Variants in SATB2 observed in about 807,000 individuals in gnomAD.
The protein encoded by SATB2 is DNA-binding protein SATB2.
Under a neutral mutation model 73.4 loss-of-function variants are expected in SATB2, and 1 was observed. That is an observed-to-expected ratio of 0.01 (90% CI 0.00 to 0.06). SATB2 has a LOEUF of 0.06. SATB2 is among the 10% of genes least tolerant of loss of function. The pLI, the probability that SATB2 is intolerant of heterozygous loss-of-function variation, is 1.00. For missense variants in SATB2, 459 were observed against 945.8 expected, an observed-to-expected ratio of 0.49 and a Z score of 6.75; for synonymous variants, 397 against 367.0, an observed-to-expected ratio of 1.08 and a Z score of -0.93.
At chr2:199,375,767 T>C (rs1044325943) in intron 5 of SATB2, among the ~76,000 whole-genome samples, 6 of 152,204 alleles carry the variant, frequency 3.9e-5, no homozygotes, top group East Asian at 3.9e-4. Flanking sequence ...AGGTGAGTAG[T>C]ACTGGATGCC....
At chr2:199,391,685 A>C (rs1474709765) in intron 3 of SATB2, among the ~76,000 whole-genome samples, 1 of 152,170 alleles carries the variant, frequency 6.6e-6, no homozygotes, top group Non-Finnish European at 1.5e-5. Context: ...AAAAGAAGCC[A>C]AGAGTCCAAT....
chr2:199,347,060 TG>T (rs1574530175), intron 7 of SATB2: 1 of 151,850 alleles, frequency 6.6e-6, no homozygotes, highest in East Asian at 1.9e-4. Flanking sequence ...TTAGTAGAGA[TG>T]GTGTTTTACC....
intron 6 of SATB2, among the ~76,000 whole-genome samples, chr2:199,351,075 C>G (rs2105826391): frequency 6.7e-6 from 1 of 149,138 alleles, no homozygotes; most frequent in South Asian, 2.1e-4. Context: ...GCTTAACATT[C>G]CTATAAACTT....
At chr2:199,297,397 G>A (rs1023313784) in intron 10 of SATB2, among the ~76,000 whole-genome samples, 4 of 152,290 alleles carry the variant, frequency 2.6e-5, no homozygotes, top group Admixed American at 2.0e-4. Context: ...TAGAATTCCA[G>A]GTGGTCATTC....
At chr2:199,283,409 T>C (rs769099008) in intron 10 of SATB2, among the ~76,000 whole-genome samples, 102 of 151,590 alleles carry the variant, frequency 6.7e-4, no homozygotes, top group Non-Finnish European at 1.0e-3. Context: ...CTTTTTGACC[T>C]TGCTGAAATT....
In SATB2 at chr2:199,308,537, T is replaced by C. The variant is rs1687499493; in HGVS notation, c.1740+223A>G. ...GCATTCAACTTCTCAGTCATTTTTC[T>C]TTGTGTGTGCATACACACACACACA... On this transcript the variant is annotated intron_variant, in intron 10 of 10. Coordinates refer to ENST00000417098, the MANE Select transcript of SATB2 (RefSeq NM_001172509.2). This position sits in a 1 kb window ranked among gnomAD's most constrained non-coding sequence, Gnocchi z 4.6. 6.6e-6 allele frequency among the ~76,000 whole-genome samples: 1 copy of C among 152,056 alleles called. No homozygotes were observed. Among genetic ancestry groups the C allele is most frequent in the African/African-American group, 2.4e-5 (1 of 41,372 alleles).
chr2:199,385,175 C>T (rs936488008), intron 3 of SATB2, among the ~76,000 whole-genome samples: 4 of 152,126 alleles, frequency 2.6e-5, no homozygotes, highest in Non-Finnish European at 4.4e-5. Context: ...GGCTCTGTCA[C>T]CCAAGCTGAA....
At chr2:199,302,767 C>T (rs1356862368) in intron 10 of SATB2, among the ~76,000 whole-genome samples, 1 of 152,150 alleles carries the variant, frequency 6.6e-6, no homozygotes, top group African/African-American at 2.4e-5. Flanking sequence ...GAAGCAAGTT[C>T]ACAAATCAAG....
intron 3 of SATB2, among the ~76,000 whole-genome samples, chr2:199,415,610 T>C (rs986947261): frequency 1.3e-5 from 2 of 152,222 alleles, no homozygotes; most frequent in African/African-American, 2.4e-5. Flanking sequence ...TTTAATTTGA[T>C]GGAAAAGTGA....
chr2:199,413,350 G>C (rs1021312029), intron 3 of SATB2, among the ~76,000 whole-genome samples: 2 of 152,094 alleles, frequency 1.3e-5, no homozygotes, highest in African/African-American at 4.8e-5. Context: ...GCTAAAGCCT[G>C]GTTTTCCTAA....
chr2:199,384,873 A>G (rs1689882092), intron 3 of SATB2, among the ~76,000 whole-genome samples: 1 of 152,208 alleles, frequency 6.6e-6, no homozygotes, highest in Non-Finnish European at 1.5e-5. Context: ...CATTCTTTTG[A>G]CCTTTTTAAT....
chr2:199,359,702 T>C (rs879876204), intron 6 of SATB2, among the ~76,000 whole-genome samples: 7 of 152,156 alleles, frequency 4.6e-5, no homozygotes, highest in African/African-American at 7.2e-5. Flanking sequence ...ATGGATATGT[T>C]CCTGTGTTCC....
chr2:199,381,268 A>AT (rs1689766197), intron 4 of SATB2, among the ~76,000 whole-genome samples: 1 of 152,160 alleles, frequency 6.6e-6, no homozygotes, highest in African/African-American at 2.4e-5. Context: ...ATGTCAGGAC[A>AT]TTCTTGGTAA....
chr2:199,382,562 T>C (rs1430940108), intron 3 of SATB2, among the ~76,000 whole-genome samples: 4 of 152,210 alleles, frequency 2.6e-5, no homozygotes, highest in Non-Finnish European at 4.4e-5. Context: ...TTGGGCTACG[T>C]AGAACAGCAA....
At chr2:199,445,232 A>G (rs971227820) in intron 2 of SATB2, among the ~76,000 whole-genome samples, 1 of 152,182 alleles carries the variant, frequency 6.6e-6, no homozygotes, top group African/African-American at 2.4e-5. Context: ...CAAGGGAATT[A>G]CTTTGCAGCT....
At chr2:199,427,332 C>CA (rs898153540) in intron 3 of SATB2, among the ~76,000 whole-genome samples, 28 of 144,852 alleles carry the variant, frequency 1.9e-4, no homozygotes, top group East Asian at 1.6e-3. Context: ...CCCATAGATT[C>CA]AAAAAAAAAA....
At chr2:199,281,193 C>G (rs950507052) in intron 10 of SATB2, among the ~76,000 whole-genome samples, 1 of 151,030 alleles carries the variant, frequency 6.6e-6, no homozygotes, top group Non-Finnish European at 1.5e-5. Context: ...GAGATCACAC[C>G]ACTGCACTCC....
intron 3 of SATB2, among the ~76,000 whole-genome samples, chr2:199,424,081 C>G (rs1286430198): frequency 6.6e-6 from 1 of 152,108 alleles, no homozygotes; most frequent in Non-Finnish European, 1.5e-5. Flanking sequence ...TTTCTTCAAA[C>G]CAAAAAGAGG....
In SATB2 at chr2:199,366,395, G is replaced by C. The variant is rs549670114; in HGVS notation, c.700+2210C>G. On this transcript the variant is annotated intron_variant, in intron 6 of 10. Coordinates refer to ENST00000417098, the MANE Select transcript of SATB2 (RefSeq NM_001172509.2). ...CAGCAACATCTATTCATAGAAAAAGGCTTCTACCAAATAAAATATGCCTGC... is the reference window on the plus strand; with the variant it reads ...CAGCAACATCTATTCATAGAAAAAGCCTTCTACCAAATAAAATATGCCTGC... Among the ~76,000 whole-genome samples the C allele has an allele frequency of 8.5e-5, 13 of 152,108 alleles. 2 individuals are homozygous for C. The South Asian group carries it at 2.5e-3, about 29-fold the overall frequency.
Sources: allele counts gnomAD v4.1 joint callset (sites outside exome capture counted in the v4.1 genomes callset), GRCh38; gene constraint gnomAD v4.1.1; non-coding constraint Gnocchi (gnomAD v3.1); transcripts MANE v1.5; gene names NCBI Gene and HGNC (gene_info 2026-07-23, HGNC 2026-07-21).